The following PDE4B variants were observed in gnomAD, a reference collection of about 807,000 sequenced individuals.
The protein encoded by PDE4B is 3',5'-cyclic-AMP phosphodiesterase 4B.
PDE4B carries 20 observed loss-of-function variants against 82.2 expected under a neutral mutation model. That is an observed-to-expected ratio of 0.24 (90% CI 0.17 to 0.35). The LOEUF is 0.35. Among genes scored for constraint, PDE4B ranks in the 10% least tolerant of loss-of-function variants. PDE4B has a pLI of 1.00. For synonymous variants in PDE4B, 320 were observed against 318.9 expected, an observed-to-expected ratio of 1.00 and a Z score of -0.04; for missense variants, 655 against 907.2, an observed-to-expected ratio of 0.72 and a Z score of 3.57.
At chr1:65,851,366 T>C (rs1364582582) in intron 1 of PDE4B, among the ~76,000 whole-genome samples, 1 of 152,090 alleles carries the variant, frequency 6.6e-6, no homozygotes, top group East Asian at 1.9e-4. Context: ...ATAATTAATA[T>C]TTACAAAAGC....
chr1:66,022,168 G>T (rs973460667), intron 3 of PDE4B, among the ~76,000 whole-genome samples: 1 of 152,222 alleles, frequency 6.6e-6, no homozygotes, highest in South Asian at 2.1e-4. Context: ...TGTATCATGA[G>T]ACTTTGCTGA....
chr1:65,824,209 T>A (rs2101257270), intron 1 of PDE4B, among the ~76,000 whole-genome samples: 1 of 152,298 alleles, frequency 6.6e-6, no homozygotes, highest in South Asian at 2.1e-4. Context: ...AACTGAGTCT[T>A]CTCAGGCTGG....
chr1:66,350,157 C>T (rs949493376), intron 8 of PDE4B, among the ~76,000 whole-genome samples: 4 of 151,880 alleles, frequency 2.6e-5, no homozygotes, highest in African/African-American at 9.7e-5. Context: ...TCCTGATGCC[C>T]GGGAATTCTT....
intron 1 of PDE4B, among the ~76,000 whole-genome samples, chr1:65,840,026 A>T (rs114957835): frequency 0.023 from 3,490 of 150,854 alleles, 101 homozygotes; most frequent in East Asian, 0.082. Flanking sequence ...AATATATATA[A>T]AAAAAATAAG....
intron 7 of PDE4B, among the ~76,000 whole-genome samples, chr1:66,310,741 C>T (rs1557693482): frequency 6.6e-6 from 1 of 152,076 alleles, no homozygotes; most frequent in East Asian, 1.9e-4. Flanking sequence ...CAAGATAGCA[C>T]AATATAGTGG....
At chr1:65,894,969 T>A (rs1316121675) in intron 1 of PDE4B, among the ~76,000 whole-genome samples, 1 of 152,288 alleles carries the variant, frequency 6.6e-6, no homozygotes, top group Middle Eastern at 3.4e-3. Flanking sequence ...GATAATTAAC[T>A]TGGTAGTTTC....
At chr1:66,297,805 TAATGATTAGGAGTAATCATTAG>T (rs1657616184) in intron 7 of PDE4B, among the ~76,000 whole-genome samples, 3 of 152,164 alleles carry the variant, frequency 2.0e-5, no homozygotes, top group Admixed American at 2.0e-4. Flanking sequence ...GGGCCTGGTC[TAATGATTAGGAGTAATCATTAG>T]AATGGTGTAA....
intron 3 of PDE4B, among the ~76,000 whole-genome samples, chr1:66,122,703 C>CTTTT (rs3036785): frequency 8.0e-5 from 9 of 111,952 alleles, no homozygotes; most frequent in Admixed American, 1.0e-4. Context: ...CTCTTCTTTT[C>CTTTT]TTTTTTTTTT....
intron 1 of PDE4B, among the ~76,000 whole-genome samples, chr1:65,891,419 A>G (rs1646851733): frequency 6.6e-6 from 1 of 152,086 alleles, no homozygotes; most frequent in Non-Finnish European, 1.5e-5. Context: ...TTCAACTAGT[A>G]CTTTTTATAG....
intron 3 of PDE4B, among the ~76,000 whole-genome samples, chr1:66,024,131 C>A (rs906737637): frequency 5.3e-5 from 8 of 152,082 alleles, no homozygotes; most frequent in African/African-American, 1.9e-4. Context: ...TACAAGTATC[C>A]TCCATTAATG....
intron 3 of PDE4B, among the ~76,000 whole-genome samples, chr1:66,050,998 T>A (rs1043332422): frequency 6.6e-6 from 1 of 152,084 alleles, no homozygotes; most frequent in African/African-American, 2.4e-5. Context: ...AAATTCCCAA[T>A]GGAAATGTAA....
chr1:65,808,965 A>G (rs990231531), intron 1 of PDE4B, among the ~76,000 whole-genome samples: 2 of 152,174 alleles, frequency 1.3e-5, no homozygotes, highest in Non-Finnish European at 2.9e-5. Flanking sequence ...TTTAGGTTTT[A>G]ACAGAATAAC....
chr1:66,334,199 A>G (rs1195752262), intron 8 of PDE4B, among the ~76,000 whole-genome samples: 1 of 152,240 alleles, frequency 6.6e-6, no homozygotes, highest in Non-Finnish European at 1.5e-5. Context: ...CATAGAGAAC[A>G]TGGCAAACTT....
intron 7 of PDE4B, among the ~76,000 whole-genome samples, chr1:66,288,157 A>AT (rs146029157): frequency 0.032 from 4,896 of 152,094 alleles, 135 homozygotes; most frequent in Non-Finnish European, 0.049. Context: ...CTTAACAGTC[A>AT]TGGCAGAAGG....
At chr1:66,037,218 C>T (rs1654115910) in intron 3 of PDE4B, among the ~76,000 whole-genome samples, 1 of 151,488 alleles carries the variant, frequency 6.6e-6, no homozygotes, top group African/African-American at 2.4e-5. Context: ...AACTGTAGGT[C>T]ACTTTGGGTA....
Position 65,907,646 on chromosome 1 carries a change from A to G in PDE4B, c.-70-5599A>G, listed in dbSNP as rs1647041995. 2.6e-5 allele frequency among the ~76,000 whole-genome samples: 4 copies of G among 152,158 alleles called. No homozygotes were observed. The South Asian group carries it at 8.3e-4, about 31-fold the overall frequency. ...TTTAAAAGTCAAGATCCCATGGTCT[A>G]GTTTTGAGGTTCTTAGACGTTTATA... On this transcript the variant is annotated intron_variant, in intron 1 of 16. Coordinates refer to ENST00000341517, the MANE Select transcript of PDE4B (RefSeq NM_002600.4).
intron 3 of PDE4B, among the ~76,000 whole-genome samples, chr1:66,130,701 A>T (rs949822228): frequency 6.6e-6 from 1 of 152,186 alleles, no homozygotes; most frequent in African/African-American, 2.4e-5. Context: ...TCAATTTTGA[A>T]CTATACTCAA....
chr1:65,833,247 C>T (rs1364190566), intron 1 of PDE4B, among the ~76,000 whole-genome samples: 2 of 152,080 alleles, frequency 1.3e-5, no homozygotes, highest in South Asian at 2.1e-4. Context: ...AATGTTTTCT[C>T]GAATACAAGC....
chr1:66,182,189 C>T lies in PDE4B; in HGVS notation c.282-65271C>T, dbSNP rs12042015. On this transcript the variant is annotated intron_variant, in intron 3 of 16. Coordinates refer to ENST00000341517, the MANE Select transcript of PDE4B (RefSeq NM_002600.4). ...CACTAGCTTCCTTCCTGTCAGTTGT[C>T]ACAGGGTTTTTCGGTGTGGTTGTTG... Among the ~76,000 whole-genome samples, 1,937 of 152,176 alleles carry T rather than the reference C, an allele frequency of 0.013. 89 individuals are homozygous for T. The East Asian group carries it at 0.15, about 12-fold the overall frequency.
Sources: gnomAD v4.1 joint callset for allele counts (sites outside exome capture counted in the v4.1 genomes callset) on GRCh38, gnomAD v4.1.1 for gene constraint, MANE v1.5 for transcripts, NCBI Gene and HGNC (gene_info 2026-07-23, HGNC 2026-07-21) for gene names.